The following SPPL3 variants were observed in gnomAD, a reference collection of about 807,000 sequenced individuals.
SPPL3 encodes signal peptide peptidase like 3.
SPPL3 carries 5 observed loss-of-function variants against 42.4 expected under a neutral mutation model. That is an observed-to-expected ratio of 0.12 (90% CI 0.06 to 0.25). The LOEUF (loss-of-function observed/expected upper bound fraction) is 0.25, where lower values mean the gene tolerates loss of function less well. SPPL3 is among the 10% of genes least tolerant of loss of function. SPPL3 has a pLI of 1.00. For missense variants in SPPL3, 235 were observed against 489.0 expected, an observed-to-expected ratio of 0.48 and a Z score of 4.90; for synonymous variants, 195 against 181.8, an observed-to-expected ratio of 1.07 and a Z score of -0.58.
chr12:120,901,395 A>G (rs1395406308), intron 1 of SPPL3, among the ~76,000 whole-genome samples: 1 of 151,938 alleles, frequency 6.6e-6, no homozygotes, highest in Non-Finnish European at 1.5e-5. Context: ...GTTTGAGACC[A>G]GCCTGGCCAA....
At chr12:120,832,365 CT>C (rs1423821300) in intron 1 of SPPL3, among the ~76,000 whole-genome samples, 1 of 152,054 alleles carries the variant, frequency 6.6e-6, no homozygotes, top group Non-Finnish European at 1.5e-5. Flanking sequence ...GGTGTGCCAC[CT>C]CTTAAAGAAA....
intron 1 of SPPL3, among the ~76,000 whole-genome samples, chr12:120,899,470 T>C (rs1406703670): frequency 1.3e-5 from 2 of 152,218 alleles, no homozygotes; most frequent in African/African-American, 2.4e-5. Flanking sequence ...TACAATGTGC[T>C]AGGCACTATG....
intron 1 of SPPL3, among the ~76,000 whole-genome samples, chr12:120,846,683 C>G (rs1212683954): frequency 1.3e-5 from 2 of 151,898 alleles, no homozygotes; most frequent in Non-Finnish European, 2.9e-5. Flanking sequence ...TAACAAAGCT[C>G]TCAAGAAAAA....
chr12:120,893,369 G>GA (rs1274989376), intron 1 of SPPL3, among the ~76,000 whole-genome samples: 2 of 151,892 alleles, frequency 1.3e-5, no homozygotes, highest in African/African-American at 2.4e-5. Flanking sequence ...AGAATGGCGT[G>GA]AAAAAAATAT....
intron 2 of SPPL3, among the ~76,000 whole-genome samples, chr12:120,808,907 T>A (rs543039035): frequency 6.8e-4 from 103 of 152,228 alleles, no homozygotes; most frequent in African/African-American, 2.5e-3. Flanking sequence ...CATTATATAC[T>A]CAAAGGGAAA....
intron 1 of SPPL3, among the ~76,000 whole-genome samples, chr12:120,859,014 C>G (rs550395378): frequency 1.4e-4 from 22 of 152,206 alleles, no homozygotes; most frequent in Middle Eastern, 6.8e-3. Context: ...GTTATGTTTT[C>G]AATTTTGTTC....
At chr12:120,815,188 T>A (rs1038480904) in intron 1 of SPPL3, among the ~76,000 whole-genome samples, 19 of 152,316 alleles carry the variant, frequency 1.2e-4, no homozygotes, top group Admixed American at 1.2e-3. Context: ...TGCAATTTGA[T>A]AGATGTTGCC....
chr12:120,864,070 G>A (rs536986868), intron 1 of SPPL3, among the ~76,000 whole-genome samples: 1 of 152,220 alleles, frequency 6.6e-6, no homozygotes, highest in African/African-American at 2.4e-5. Flanking sequence ...ATCCATGTCT[G>A]CCTTCACTCT....
chr12:120,895,640 C>T (rs1417931223), intron 1 of SPPL3, among the ~76,000 whole-genome samples: 1 of 152,248 alleles, frequency 6.6e-6, no homozygotes, highest in African/African-American at 2.4e-5. Context: ...GTGAGGAACT[C>T]TATCTGGAAC....
intron 1 of SPPL3, among the ~76,000 whole-genome samples, chr12:120,851,415 G>C (rs1365476394): frequency 6.9e-6 from 1 of 145,432 alleles, no homozygotes; most frequent in Non-Finnish European, 1.5e-5. Flanking sequence ...ATGTTCTCAG[G>C]TCATGGCTCC....
At chr12:120,814,751 T>A (rs1425881979) in intron 1 of SPPL3, among the ~76,000 whole-genome samples, 2 of 152,206 alleles carry the variant, frequency 1.3e-5, no homozygotes, top group Non-Finnish European at 2.9e-5. Flanking sequence ...CCACATTTTT[T>A]AGTTTCTTAT....
intron 1 of SPPL3, among the ~76,000 whole-genome samples, chr12:120,890,549 A>G (rs1285230342): frequency 6.9e-6 from 1 of 144,296 alleles, no homozygotes; most frequent in Non-Finnish European, 1.5e-5. Context: ...AGATCGCGCC[A>G]TTGTACTCCA....
intron 10 of SPPL3, among the ~76,000 whole-genome samples, chr12:120,765,702 G>C (rs1054088355): frequency 1.1e-4 from 16 of 151,402 alleles, no homozygotes; most frequent in African/African-American, 3.4e-4. Context: ...GTGCTTTTAG[G>C]CTCCCTGAGC....
chr12:120,775,880 C>T (rs1403472203), intron 6 of SPPL3, among the ~76,000 whole-genome samples: 1 of 152,052 alleles, frequency 6.6e-6, no homozygotes, highest in Non-Finnish European at 1.5e-5. Context: ...AAAGAACAGA[C>T]TTCAGTTAAG....
Position 120,867,302 on chromosome 12 carries a change from G to A in SPPL3, c.23+36543C>T, listed in dbSNP as rs559865009. Among the ~76,000 whole-genome samples, 13 of 152,244 alleles carry A rather than the reference G, an allele frequency of 8.5e-5. No individual in the cohort carries two copies. The South Asian group carries it at 1.7e-3, about 19-fold the overall frequency. ...GCATGGCAAAGTTTATATATATGCA[G>A]GCAATGACATCTGCGACAGCACTTG... On this transcript the variant is annotated intron_variant, in intron 1 of 10. Coordinates refer to ENST00000353487, the MANE Select transcript of SPPL3 (RefSeq NM_139015.5).
intron 1 of SPPL3, among the ~76,000 whole-genome samples, chr12:120,893,487 A>C (rs1161671816): frequency 6.6e-6 from 1 of 152,030 alleles, no homozygotes; most frequent in African/African-American, 2.4e-5. Flanking sequence ...TGTCTGTACC[A>C]ACCATTCTCT....
intron 2 of SPPL3, among the ~76,000 whole-genome samples, chr12:120,799,972 G>C (rs1037496718): frequency 5.3e-5 from 8 of 152,050 alleles, no homozygotes; most frequent in East Asian, 1.9e-4. Context: ...TTCAATTATA[G>C]GCCTTTAACT....
intron 1 of SPPL3, among the ~76,000 whole-genome samples, chr12:120,821,214 T>C (rs367909579): frequency 1.2e-4 from 19 of 152,154 alleles, no homozygotes; most frequent in Non-Finnish European, 2.5e-4. Flanking sequence ...GGGAGAGGGA[T>C]TGAAACAGAA....
intron 1 of SPPL3, among the ~76,000 whole-genome samples, chr12:120,862,018 G>A (rs1872630033): frequency 6.6e-6 from 1 of 152,108 alleles, no homozygotes; most frequent in African/African-American, 2.4e-5. Flanking sequence ...TTACAATGTA[G>A]GCAGTACTAC....
Sources: gnomAD v4.1 joint callset for allele counts (sites outside exome capture counted in the v4.1 genomes callset) on GRCh38, gnomAD v4.1.1 for gene constraint, MANE v1.5 for transcripts, NCBI Gene and HGNC (gene_info 2026-07-23, HGNC 2026-07-21) for gene names.